The following HAUS2 variants were observed in gnomAD, a reference collection of about 807,000 sequenced individuals.
HAUS2 encodes HAUS augmin-like complex subunit 2.
HAUS2 carries 20 observed loss-of-function variants against 21.6 expected under a neutral mutation model. The observed-to-expected ratio is 0.93, with a 90% CI of 0.65 to 1.35. The LOEUF is 1.35. HAUS2 is among the 40% of genes most tolerant of loss of function. HAUS2 has a pLI of 0.00. For missense variants in HAUS2, 297 were observed against 280.7 expected (o/e 1.06, Z -0.42); for synonymous variants, 113 against 95.6 (o/e 1.18, Z -1.06).
At chr15:42,558,455 G>A (rs571447895) in intron 2 of HAUS2, among the ~76,000 whole-genome samples, 165 bp downstream of exon 2, 12 of 151,566 alleles carry the variant, frequency 7.9e-5, no homozygotes, top group Middle Eastern at 3.4e-3. Flanking sequence ...AGCCTCATGA[G>A]TAGGTGGGAC....
At chr15:42,558,318 T>TC in intron 2 of HAUS2, 28 bp downstream of exon 2, 1 of 631,606 alleles carries the variant, frequency 1.6e-6, no homozygotes, top group Non-Finnish European at 2.5e-6. Flanking sequence ...CACTTTCTTT[T>TC]TTTTTTTTTT....
intron 2 of HAUS2, 88 bp from the exon 3 acceptor site, chr15:42,559,251 A>G: frequency 1.3e-6 from 1 of 757,836 alleles, no homozygotes; most frequent in African/African-American, 1.7e-5. Flanking sequence ...TCAGCCTCCC[A>G]AAGTGCTGGG....
In HAUS2 at chr15:42,567,065, A is replaced by C; in HGVS notation, c.*249A>C. On this transcript the variant is annotated 3_prime_UTR_variant, in exon 6 of 6. Transcript: ENST00000260372. ...CCATGACAATTTATTAATATAAGTGAATTAACCATTTCTCAGGTGGGAAAT... is the reference window on the plus strand; with the variant it reads ...CCATGACAATTTATTAATATAAGTGCATTAACCATTTCTCAGGTGGGAAAT... 1 of 315,370 alleles carries C rather than the reference A, an allele frequency of 3.2e-6. No homozygotes were observed. The highest frequency in any genetic ancestry group is 5.9e-6 in the Non-Finnish European group (1 of 169,732). 19.5% of individuals were successfully genotyped at this position (315,370 alleles called of 1,614,324 possible).
intron 4 of HAUS2, among the ~76,000 whole-genome samples, chr15:42,562,027 A>G (rs2057858272): frequency 6.6e-6 from 1 of 152,042 alleles, no homozygotes; most frequent in Admixed American, 6.6e-5. Flanking sequence ...AAAAAAAAAT[A>G]TAAAAATTAG....
rs1337871933 is a variant in HAUS2 at position 42,568,386 on chromosome 15, G to A, written c.*1570G>A. The A allele has an allele frequency of 3.3e-5, 5 of 152,338 alleles. No individual in the cohort carries two copies. In the East Asian group the frequency reaches 9.6e-4, roughly 29 times the overall value. 9.4% of individuals were successfully genotyped at this position (152,338 alleles called of 1,614,324 possible). A position where few individuals can be genotyped will look rare whatever the true frequency, so the allele number is the denominator to read the frequency against. ...CCACATGGCAAGTGAGCATGAGAAAGATATATGGGTCTAAACTTAGCCTTT... is the reference window on the plus strand; with the variant it reads ...CCACATGGCAAGTGAGCATGAGAAAAATATATGGGTCTAAACTTAGCCTTT... On this transcript the variant is annotated 3_prime_UTR_variant, in exon 6 of 6. Transcript: ENST00000260372.
chr15:42,549,083 A>G, intron 1 of HAUS2, 118 bp downstream of exon 1: 1 of 639,492 alleles, frequency 1.6e-6, no homozygotes, highest in South Asian at 1.9e-5. Context: ...TCTGTACTAG[A>G]GTAATAAGAG....
At chr15:42,552,675 G>A (rs1313143045) in intron 1 of HAUS2, among the ~76,000 whole-genome samples, 1 of 152,158 alleles carries the variant, frequency 6.6e-6, no homozygotes, top group Non-Finnish European at 1.5e-5. Flanking sequence ...TTTCCAGCAA[G>A]TGTGAGTGAG....
intron 1 of HAUS2, 107 bp from the exon 2 acceptor site, chr15:42,558,091 T>C (rs925720928): frequency 1.6e-6 from 1 of 625,626 alleles, no homozygotes; most frequent in African/African-American, 1.9e-5. Flanking sequence ...TCAAAGGCAG[T>C]GTTGAACATA....
chr15:42,564,683 C>G (rs2141606199), intron 5 of HAUS2, among the ~76,000 whole-genome samples: 1 of 152,272 alleles, frequency 6.6e-6, no homozygotes, highest in East Asian at 1.9e-4. Flanking sequence ...GAGACGAGTT[C>G]TCACTATGTT....
intron 3 of HAUS2, 29 bp from the exon 4 acceptor site, chr15:42,561,241 C>T (rs774698981): frequency 1.4e-6 from 2 of 1,381,900 alleles, no homozygotes; most frequent in East Asian, 4.6e-5. Flanking sequence ...CTATTGCTAA[C>T]TATAATTACT....
chr15:42,563,410 CAAA>C (rs745358598), intron 4 of HAUS2, among the ~76,000 whole-genome samples: 2 of 59,336 alleles, frequency 3.4e-5, no homozygotes, highest in African/African-American at 6.2e-5. Flanking sequence ...GACTCCATCT[CAAA>C]AAAAAAAAAA....
intron 5 of HAUS2, among the ~76,000 whole-genome samples, chr15:42,566,350 C>T (rs953175264): frequency 6.6e-6 from 1 of 151,954 alleles, no homozygotes; most frequent in Non-Finnish European, 1.5e-5. Flanking sequence ...TAAATGTGGG[C>T]CTGAATTTTA....
intron 4 of HAUS2, among the ~76,000 whole-genome samples, chr15:42,562,286 A>G (rs1030744610): frequency 3.9e-5 from 6 of 152,152 alleles, no homozygotes; most frequent in African/African-American, 1.4e-4. Flanking sequence ...GATATACAAA[A>G]ACTTATTCTT....
At chr15:42,549,180 TTTTGAGTGTCTGTAGG>T (rs1471097804) in intron 1 of HAUS2, among the ~76,000 whole-genome samples, 1 of 152,142 alleles carries the variant, frequency 6.6e-6, no homozygotes, top group Non-Finnish European at 1.5e-5. Context: ...GTAGACTGTG[TTTTGAGTGTCTGTAGG>T]GTAAATTTGT....
rs552183503 is a variant in HAUS2, at chr15:42,558,346, A to G, written c.186+56A>G. 1.2e-4 allele frequency: 66 copies of G among 551,088 alleles called. 1 individual carries two copies. The highest frequency in any genetic ancestry group is 1.1e-3 in the South Asian group (59 of 53,276). 34.1% of individuals were successfully genotyped at this position (551,088 alleles called of 1,614,324 possible). On this transcript the variant is annotated intron_variant, in intron 2 of 5. Coordinates refer to ENST00000260372, the MANE Select transcript of HAUS2 (RefSeq NM_018097.3). ...TTTTTTTTTTTTTTTTTTGAGACGGAGTCTTGCTCTGTCACGCAGGCTGGA... is the reference window on the plus strand; with the variant it reads ...TTTTTTTTTTTTTTTTTTGAGACGGGGTCTTGCTCTGTCACGCAGGCTGGA...
intron 1 of HAUS2, among the ~76,000 whole-genome samples, chr15:42,551,541 C>CT (rs1440379153): frequency 6.6e-6 from 1 of 151,798 alleles, no homozygotes; most frequent in Non-Finnish European, 1.5e-5. Context: ...CTCGGGAAGC[C>CT]GAGACATGAG....
chr15:42,557,372 A>T (rs1240502396), intron 1 of HAUS2, among the ~76,000 whole-genome samples: 1 of 82,670 alleles, frequency 1.2e-5, no homozygotes, highest in African/African-American at 4.2e-5. Flanking sequence ...TTTTATATAT[A>T]TTATATATTT....
intron 3 of HAUS2, chr15:42,560,781 G>C: frequency 1.4e-6 from 1 of 701,768 alleles, no homozygotes; most frequent in Non-Finnish European, 2.6e-6. Flanking sequence ...TTTTTTTGTA[G>C]AGATGAAGTC....
chr15:42,566,038 T>C (rs760538533), intron 5 of HAUS2, among the ~76,000 whole-genome samples: 1 of 152,000 alleles, frequency 6.6e-6, no homozygotes, highest in Non-Finnish European at 1.5e-5. Context: ...CCGTCTCTAC[T>C]AAAAATACAA....
Sources: allele counts gnomAD v4.1 joint callset (sites outside exome capture counted in the v4.1 genomes callset), GRCh38; gene constraint gnomAD v4.1.1; transcripts MANE v1.5; gene names NCBI Gene and HGNC (gene_info 2026-07-23, HGNC 2026-07-21).